The following PLCD4 variants were observed in gnomAD, a reference collection of about 807,000 sequenced individuals.
PLCD4 encodes the protein 1-phosphatidylinositol 4,5-bisphosphate phosphodiesterase delta-4.
Under a neutral mutation model 90.2 loss-of-function variants are expected in PLCD4, and 63 were observed. That is an observed-to-expected ratio of 0.70 (90% CI 0.57 to 0.86). PLCD4 has a LOEUF of 0.86. Ranked by LOEUF, PLCD4 falls within the 40% of genes least tolerant of loss-of-function variation. The pLI, the probability that PLCD4 is intolerant of heterozygous loss-of-function variation, is 0.00. For missense variants in PLCD4, 830 were observed against 956.3 expected (o/e 0.87, Z 1.74); for synonymous variants, 294 against 356.5 (o/e 0.82, Z 1.97).
chr2:218,633,942 C>T, intron 11 of PLCD4, 163 bp from the exon 12 acceptor site: 1 of 1,206,698 alleles, frequency 8.3e-7, no homozygotes, highest in Non-Finnish European at 1.2e-6. Context: ...GGTCTAGGGG[C>T]AGGAAAGCTG....
In PLCD4 at chr2:218,622,795, TCCTC is replaced by T. The variant is rs752230831; in HGVS notation, c.691_694del (p.Leu231LysfsTer33). 6.2e-7 allele frequency: 1 copy of T among 1,613,958 alleles called. No homozygotes were observed. The highest frequency in any genetic ancestry group is 8.5e-7 in the Non-Finnish European group (1 of 1,179,890). The stretch of plus-strand genomic sequence containing the variant: ...CTGACTCTGCTGGAATTTTTGGATT[TCCTC>T]CAAGAGGAGCAGAAGGAGAGAGACT... On this transcript the variant is annotated frameshift_variant, in exon 6 of 16. Coordinates refer to ENST00000450993, the MANE Select transcript of PLCD4 (RefSeq NM_032726.4). LOFTEE classifies it high-confidence loss of function.
intron 1 of PLCD4, among the ~76,000 whole-genome samples, chr2:218,614,832 T>C (rs1025267608): frequency 1.3e-5 from 2 of 152,166 alleles, no homozygotes; most frequent in African/African-American, 4.8e-5. Context: ...TTGTGTAACT[T>C]ATTTGGTCCA....
chr2:218,622,861 A>G lies in PLCD4; in HGVS notation c.755A>G (p.Tyr252Cys), dbSNP rs1462065511. ...SELALELIDRYEPSDSGKLRH... is the reference protein window; with the variant it reads ...SELALELIDRCEPSDSGKLRH... ...CTTGCTCTGGAACTCATTGACCGCT[A>G]TGAACCTTCAGACAGTGGTAAGAGA... The change falls in exon 6 of 16, where the codon TAT (tyrosine) becomes TGT (cysteine). Residue 252 changes from tyrosine to cysteine, a missense_variant. Coordinates refer to ENST00000450993, the MANE Select transcript of PLCD4 (RefSeq NM_032726.4). 6.2e-7 allele frequency: 1 copy of G among 1,613,714 alleles called. No homozygotes were observed. Among genetic ancestry groups the G allele is most frequent in the African/African-American group, 1.3e-5 (1 of 74,942 alleles).
intron 6 of PLCD4, among the ~76,000 whole-genome samples, chr2:218,625,212 C>CA (rs997747957): frequency 4.5e-4 from 48 of 105,840 alleles, no homozygotes; most frequent in South Asian, 1.5e-3. Flanking sequence ...GACTCTGTTT[C>CA]AAAAAAAAAA....
At chr2:218,629,720 C>A (rs575950561) in intron 8 of PLCD4, 57 bp downstream of exon 8, 94 of 1,576,980 alleles carry the variant, frequency 6.0e-5, no homozygotes, top group Non-Finnish European at 7.8e-5. Context: ...GGAAGAACGA[C>A]TGGCTCTGGG....
intron 7 of PLCD4, chr2:218,628,516 G>A (rs750228100): frequency 1.3e-4 from 43 of 326,090 alleles, no homozygotes; most frequent in Middle Eastern, 8.8e-4. Context: ...TTGTTAAATG[G>A]AAGGCAATAG....
chr2:218,610,298 G>C (rs1173059314), intron 1 of PLCD4, among the ~76,000 whole-genome samples: 1 of 152,020 alleles, frequency 6.6e-6, no homozygotes, highest in Non-Finnish European at 1.5e-5. Flanking sequence ...TCTGAGGTCA[G>C]GAGTTTGAGA....
In PLCD4 at chr2:218,628,017, T is replaced by C. The variant is rs1696190430; in HGVS notation, c.773-12T>C. ...GAGCTTCTCACCTAGTGTTCCCCTGTCCACACTCCAGGCAAACTGCGGCAT... is the reference window on the plus strand; with the variant it reads ...GAGCTTCTCACCTAGTGTTCCCCTGCCCACACTCCAGGCAAACTGCGGCAT... On this transcript the variant is annotated splice_polypyrimidine_tract_variant and intron_variant, in intron 6 of 15. Transcript: ENST00000450993. 2.5e-6 allele frequency: 4 copies of C among 1,608,250 alleles called. No individual in the cohort carries two copies. Among genetic ancestry groups the C allele is most frequent in the Admixed American group, 1.7e-5 (1 of 59,848 alleles).
At chr2:218,635,955 AG>A in intron 14 of PLCD4, 24 bp downstream of exon 14, 1 of 1,613,816 alleles carries the variant, frequency 6.2e-7, no homozygotes, top group Non-Finnish European at 8.5e-7. Flanking sequence ...AGTGCTGGGG[AG>A]GTGGGGGTAG....
chr2:218,609,527 C>A (rs938049152), intron 1 of PLCD4: 5 of 152,088 alleles, frequency 3.3e-5, no homozygotes, highest in African/African-American at 1.2e-4. Context: ...TATTTAAGAC[C>A]AACCTTTCTT....
intron 6 of PLCD4, among the ~76,000 whole-genome samples, chr2:218,623,091 C>T (rs1473965552): frequency 6.6e-6 from 1 of 152,186 alleles, no homozygotes; most frequent in East Asian, 1.9e-4. Context: ...AGGTGCTAGA[C>T]CTCTCAGGAG....
At chr2:218,625,729 T>C (rs1696086249) in intron 6 of PLCD4, among the ~76,000 whole-genome samples, 1 of 152,078 alleles carries the variant, frequency 6.6e-6, no homozygotes, top group East Asian at 1.9e-4. Flanking sequence ...AGTTCAGGAG[T>C]TCGAGACCAG....
intron 1 of PLCD4, among the ~76,000 whole-genome samples, chr2:218,611,968 C>T (rs968951509): frequency 6.6e-6 from 1 of 150,898 alleles, no homozygotes; most frequent in African/African-American, 2.4e-5. Context: ...CTAGCTCTGT[C>T]GCCAGGTTAG....
Position 218,632,126 on chromosome 2 carries a change from T to C in PLCD4, c.1273-10T>C, listed in dbSNP as rs1191030657. ...ACAGGTAGACAGGCCCCTTCATTTT[T>C]GTCCCCTAGGAGCTTCGGAGGAAGA... On this transcript the variant is annotated splice_polypyrimidine_tract_variant and intron_variant, in intron 9 of 15. Transcript: ENST00000450993. The C allele has an allele frequency of 6.3e-7, 1 of 1,595,668 alleles. No homozygotes were observed. Among genetic ancestry groups the C allele is most frequent in the Admixed American group, 1.8e-5 (1 of 56,740 alleles).
intron 6 of PLCD4, 37 bp from the exon 7 acceptor site, chr2:218,627,992 G>A: frequency 3.2e-6 from 5 of 1,565,508 alleles, no homozygotes; most frequent in Non-Finnish European, 4.4e-6. Context: ...CTCCCATTCA[G>A]AGCTTCTCAC....
rs899772859 is a variant in PLCD4, at chr2:218,636,124, C to T, written c.2033-119C>T. ...GGCAAATTACTTGCTTACTCTGAGC[C>T]TTTTTCCTTACCTGTAAAATGCTGA... On this transcript the variant is annotated intron_variant, in intron 14 of 15. Transcript: ENST00000450993. 3.6e-6 allele frequency: 5 copies of T among 1,391,218 alleles called. No individual in the cohort carries two copies. The African/African-American group carries it at 7.2e-5, about 20-fold the overall frequency. The allele number at this position is 1,391,218 out of a possible 1,614,324, so 86.2% of individuals were successfully genotyped here. A position where few individuals can be genotyped will look rare whatever the true frequency, so the allele number is the denominator to read the frequency against.
rs3731869 is a variant in PLCD4 at position 218,632,325 on chromosome 2, T to C, written c.1449+13T>C. On this transcript the variant is annotated intron_variant, in intron 10 of 15. Coordinates refer to ENST00000450993, the MANE Select transcript of PLCD4 (RefSeq NM_032726.4). ...GGACAAAAAGAAGGTAAGCCAGGAG[T>C]GGTCTTTCTGCTGTGGTATTTAGTC... is the stretch of plus-strand genomic sequence containing the variant. The C allele has an allele frequency of 6.3e-7, 1 of 1,594,640 alleles. No individual in the cohort carries two copies. The highest frequency in any genetic ancestry group is 1.1e-5 in the South Asian group (1 of 87,782).
At chr2:218,623,681 T>C (rs980047556) in intron 6 of PLCD4, among the ~76,000 whole-genome samples, 5 of 152,210 alleles carry the variant, frequency 3.3e-5, no homozygotes, top group Non-Finnish European at 5.9e-5. Flanking sequence ...TTTTCCTTTT[T>C]CTATTTTTTT....
At chr2:218,629,839 C>T (rs1696283636) in intron 8 of PLCD4, among the ~76,000 whole-genome samples, 176 bp downstream of exon 8, 1 of 152,164 alleles carries the variant, frequency 6.6e-6, no homozygotes, top group African/African-American at 2.4e-5. Flanking sequence ...GGACATGTTA[C>T]TAATAATTAG....
Sources: gnomAD v4.1 joint callset for allele counts (sites outside exome capture counted in the v4.1 genomes callset) on GRCh38, gnomAD v4.1.1 for gene constraint, MANE v1.5 for transcripts, NCBI Gene and HGNC (gene_info 2026-07-23, HGNC 2026-07-21) for gene names.